The following NEK11 variants were observed in gnomAD, a reference collection of about 807,000 sequenced individuals.
The protein encoded by NEK11 is serine/threonine-protein kinase Nek11.
A neutral mutation model predicts 80.7 loss-of-function variants in NEK11; 72 were observed. That is an observed-to-expected ratio of 0.89 (90% confidence interval 0.74 to 1.08). The LOEUF is 1.08. Ranked by LOEUF, NEK11 falls within the 50% of genes least tolerant of loss-of-function variation. The pLI is 0.00. For synonymous variants in NEK11, 251 were observed against 260.7 expected (o/e 0.96, Z 0.36); for missense variants, 764 against 763.6 (o/e 1.00, Z -0.01).
chr3:131,225,453 G>A (rs756228552), intron 14 of NEK11, among the ~76,000 whole-genome samples: 3 of 152,104 alleles, frequency 2.0e-5, no homozygotes, highest in Non-Finnish European at 4.4e-5. Context: ...TTTCTTCCTG[G>A]TGTTGGGTAT....
At chr3:131,231,038 T>C (rs1244834179) in intron 15 of NEK11, among the ~76,000 whole-genome samples, 1 of 152,114 alleles carries the variant, frequency 6.6e-6, no homozygotes, top group East Asian at 1.9e-4. Context: ...TTTCCAGCCA[T>C]GTGGAACTGT....
intron 4 of NEK11, among the ~76,000 whole-genome samples, chr3:131,100,677 A>T (rs1435562341): frequency 6.6e-6 from 1 of 152,164 alleles, no homozygotes; most frequent in African/African-American, 2.4e-5. Flanking sequence ...ATCAATGTTC[A>T]TCATGGATAT....
At chr3:131,333,203 A>C (rs2097124323) in intron 17 of NEK11, among the ~76,000 whole-genome samples, 6 of 152,214 alleles carry the variant, frequency 3.9e-5, no homozygotes, top group Admixed American at 3.9e-4. Flanking sequence ...AAAAATGTTA[A>C]GGGCAGCCAG....
At chr3:131,250,733 A>G (rs1427865810) in intron 16 of NEK11, among the ~76,000 whole-genome samples, 1 of 152,104 alleles carries the variant, frequency 6.6e-6, no homozygotes, top group African/African-American at 2.4e-5. Flanking sequence ...GGGTAAATAA[A>G]TATCTCCTAG....
At chr3:131,212,885 A>G (rs1210495372) in intron 14 of NEK11, among the ~76,000 whole-genome samples, 4 of 152,142 alleles carry the variant, frequency 2.6e-5, no homozygotes, top group African/African-American at 9.7e-5. Flanking sequence ...GGTGTTTTTA[A>G]GATGCAATTA....
At chr3:131,121,766 G>A (rs2082417293) in intron 5 of NEK11, among the ~76,000 whole-genome samples, 1 of 152,188 alleles carries the variant, frequency 6.6e-6, no homozygotes. Flanking sequence ...AGGCTCCGTG[G>A]GTGTGGGACC....
At chr3:131,295,994 C>T (rs2096588806) in intron 17 of NEK11, among the ~76,000 whole-genome samples, 1 of 152,146 alleles carries the variant, frequency 6.6e-6, no homozygotes, top group East Asian at 1.9e-4. Flanking sequence ...GTGAGTGCCA[C>T]CACATCTGGC....
chr3:131,340,385 C>G (rs2097265841), intron 17 of NEK11, among the ~76,000 whole-genome samples: 1 of 152,100 alleles, frequency 6.6e-6, no homozygotes, highest in Admixed American at 6.5e-5. Context: ...GCAGCTATGG[C>G]TGTATTCTTT....
chr3:131,267,724 C>T (rs552795334), intron 16 of NEK11, among the ~76,000 whole-genome samples: 84 of 152,088 alleles, frequency 5.5e-4, no homozygotes, highest in African/African-American at 1.9e-3. Flanking sequence ...TCATTTCAAC[C>T]TTGGTGAATC....
chr3:131,141,607 A>G (rs1387640369), intron 7 of NEK11, among the ~76,000 whole-genome samples: 1 of 152,210 alleles, frequency 6.6e-6, no homozygotes, highest in Non-Finnish European at 1.5e-5. Context: ...TTTCAGATAT[A>G]TCACCAATTT....
intron 17 of NEK11, among the ~76,000 whole-genome samples, chr3:131,305,861 C>T (rs1211386904): frequency 1.3e-5 from 2 of 152,082 alleles, no homozygotes; most frequent in Admixed American, 6.5e-5. Flanking sequence ...GCATCTGGGT[C>T]CTCCCTCTAT....
chr3:131,138,941 A>G (rs1221940142), intron 7 of NEK11, among the ~76,000 whole-genome samples: 6 of 152,132 alleles, frequency 3.9e-5, no homozygotes, highest in Non-Finnish European at 8.8e-5. Context: ...GAATACTACA[A>G]TAAATACCTA....
intron 4 of NEK11, among the ~76,000 whole-genome samples, chr3:131,088,482 T>C (rs1321866329): frequency 2.0e-5 from 3 of 152,172 alleles, no homozygotes; most frequent in African/African-American, 7.2e-5. Flanking sequence ...GCAAACCCAG[T>C]AGAGTTTATG....
chr3:131,182,712 G>T (rs1231347054), intron 14 of NEK11, among the ~76,000 whole-genome samples: 1 of 152,178 alleles, frequency 6.6e-6, no homozygotes. Flanking sequence ...TTGTAGGTGA[G>T]TTTAAGATGC....
intron 17 of NEK11, among the ~76,000 whole-genome samples, chr3:131,283,621 CT>C (rs2096431785): frequency 6.6e-6 from 1 of 152,050 alleles, no homozygotes; most frequent in African/African-American, 2.4e-5. Flanking sequence ...TTCTGTTTCA[CT>C]GATTGAAGTA....
chr3:131,043,742 C>G (rs1253799532), intron 3 of NEK11, among the ~76,000 whole-genome samples: 1 of 152,132 alleles, frequency 6.6e-6, no homozygotes, highest in African/African-American at 2.4e-5. Flanking sequence ...GGCCAACATT[C>G]AAATTCAGGA....
At chr3:131,324,309 A>C (rs1362912676) in intron 17 of NEK11, among the ~76,000 whole-genome samples, 3 of 152,236 alleles carry the variant, frequency 2.0e-5, no homozygotes, top group Admixed American at 6.5e-5. Context: ...TCAAGGAAAG[A>C]GTCCTTGTTG....
chr3:131,177,914 A>G lies in NEK11; in HGVS notation c.1399+7027A>G, dbSNP rs534023210. Among the ~76,000 whole-genome samples the G allele has an allele frequency of 4.6e-5, 7 of 152,354 alleles. No homozygotes were observed. In the East Asian group the frequency reaches 1.2e-3, roughly 25 times the overall value. On this transcript the variant is annotated intron_variant, in intron 14 of 17. Coordinates refer to ENST00000383366, the MANE Select transcript of NEK11 (RefSeq NM_024800.5). ...CATTAGGCAATTTCATCCTTAAGCA[A>G]ACATCAGAGAGTATACTTGCACATA...
chr3:131,067,654 A>G (rs573247239), intron 3 of NEK11, among the ~76,000 whole-genome samples: 15 of 152,098 alleles, frequency 9.9e-5, no homozygotes, highest in Admixed American at 3.3e-4. Context: ...TCTTTTCCCT[A>G]TTTGTGTTCT....
Sources: gnomAD v4.1 joint callset for allele counts (sites outside exome capture counted in the v4.1 genomes callset) on GRCh38, gnomAD v4.1.1 for gene constraint, MANE v1.5 for transcripts, NCBI Gene and HGNC (gene_info 2026-07-23, HGNC 2026-07-21) for gene names.